The following P2RX7 variants were observed in gnomAD, a reference collection of about 807,000 sequenced individuals.
P2RX7 encodes the protein P2X purinoceptor 7.
Under a neutral mutation model 71.6 loss-of-function variants are expected in P2RX7, and 62 were observed. The ratio of observed to expected loss-of-function variants is 0.87; its 90% CI spans 0.71 to 1.07. P2RX7 has a LOEUF of 1.07. Among genes scored for constraint, P2RX7 ranks in the 50% least tolerant of loss-of-function variants. The pLI is 0.00. For synonymous variants in P2RX7, 299 were observed against 283.3 expected (o/e 1.06, Z -0.56); for missense variants, 686 against 748.5 (o/e 0.92, Z 0.97).
In P2RX7 at chr12:121,160,896, C is replaced by A; in HGVS notation, c.364-6C>A. 1 of 1,611,238 alleles carries A rather than the reference C, an allele frequency of 6.2e-7. No individual in the cohort carries two copies. The highest frequency in any genetic ancestry group is 1.1e-5 in the South Asian group (1 of 91,020). ...ACTCCCCACTCTGTCATCCTTCTAT[C>A]TGCAGTATCCCACCCGCAGGACGCT... On this transcript the variant is annotated splice_region_variant and splice_polypyrimidine_tract_variant and intron_variant, in intron 3 of 12. Coordinates refer to ENST00000328963, the MANE Select transcript of P2RX7 (RefSeq NM_002562.6).
chr12:121,170,522 C>G (rs778713280), intron 8 of P2RX7, among the ~76,000 whole-genome samples: 1 of 152,194 alleles, frequency 6.6e-6, no homozygotes, highest in Non-Finnish European at 1.5e-5. Flanking sequence ...TGCCTGTAAT[C>G]CCAACACTTT....
At chr12:121,166,633 C>A (rs1400542059) in intron 7 of P2RX7, among the ~76,000 whole-genome samples, 2 of 152,162 alleles carry the variant, frequency 1.3e-5, no homozygotes, top group African/African-American at 4.8e-5. Context: ...GCCACTTTCA[C>A]TCCCTATCCT....
At chr12:121,145,468 G>A (rs967691289) in intron 1 of P2RX7, among the ~76,000 whole-genome samples, 5 of 151,988 alleles carry the variant, frequency 3.3e-5, no homozygotes, top group Non-Finnish European at 5.9e-5. Flanking sequence ...ATCAAGATGC[G>A]GAAGTGGATG....
At chr12:121,174,689 T>C (rs951663192) in intron 8 of P2RX7, among the ~76,000 whole-genome samples, 3 of 152,160 alleles carry the variant, frequency 2.0e-5, no homozygotes, top group Non-Finnish European at 4.4e-5. Context: ...TCCCACTTTG[T>C]TCTAGATGCC....
At chr12:121,177,056 C>T (rs1883271689) in intron 9 of P2RX7, 91 bp from the exon 10 acceptor site, 1 of 1,108,126 alleles carries the variant, frequency 9.0e-7, no homozygotes, top group Non-Finnish European at 1.4e-6. Context: ...GCATGAGGCT[C>T]CGCTCCCTGA....
At chr12:121,170,911 T>C (rs1019863086) in intron 8 of P2RX7, among the ~76,000 whole-genome samples, 3 of 152,138 alleles carry the variant, frequency 2.0e-5, no homozygotes, top group Admixed American at 2.0e-4. Flanking sequence ...TTCTAAAACA[T>C]AGGAAGTTGA....
intron 5 of P2RX7, 82 bp from the exon 6 acceptor site, chr12:121,165,275 C>T: frequency 9.6e-7 from 1 of 1,040,678 alleles, no homozygotes; most frequent in Non-Finnish European, 1.5e-6. Flanking sequence ...GCCAAGAAAC[C>T]AGAAGCCTCT....
At chr12:121,173,114 G>C (rs906039090) in intron 8 of P2RX7, among the ~76,000 whole-genome samples, 1 of 152,134 alleles carries the variant, frequency 6.6e-6, no homozygotes, top group Non-Finnish European at 1.5e-5. Context: ...TGTGCCTGGC[G>C]CTTAATTTTT....
At chr12:121,178,769 G>A (rs1390827798) in intron 11 of P2RX7, among the ~76,000 whole-genome samples, 1 of 129,798 alleles carries the variant, frequency 7.7e-6, no homozygotes, top group Non-Finnish European at 1.6e-5. Context: ...TCCAGCCTGA[G>A]TGACAGAGGG....
chr12:121,172,507 C>A (rs1021717495), intron 8 of P2RX7, among the ~76,000 whole-genome samples: 2 of 152,098 alleles, frequency 1.3e-5, no homozygotes, highest in African/African-American at 4.8e-5. Context: ...TGGTTTGCAC[C>A]TGTAGTCCCA....
intron 1 of P2RX7, among the ~76,000 whole-genome samples, chr12:121,140,650 C>A (rs1226383828): frequency 6.6e-6 from 1 of 152,100 alleles, no homozygotes; most frequent in Non-Finnish European, 1.5e-5. Context: ...TGAAGAAGAC[C>A]AAGGAGAGGC....
intron 12 of P2RX7, 79 bp from the exon 13 acceptor site, chr12:121,184,225 CT>C: frequency 1.4e-6 from 2 of 1,462,856 alleles, no homozygotes; most frequent in Admixed American, 2.3e-5. Flanking sequence ...TTAAACGTAA[CT>C]TTATAAGTTA....
In P2RX7 at chr12:121,184,454, A is replaced by C; in HGVS notation, c.1440A>C (p.Gly480=). The C allele has an allele frequency of 6.2e-7, 1 of 1,614,136 alleles. No individual in the cohort carries two copies. Among genetic ancestry groups the C allele is most frequent in the Non-Finnish European group, 8.5e-7 (1 of 1,180,026 alleles). Residue 480 remains glycine (G), a synonymous_variant, in exon 13 of 13, where the codon GGA becomes GGC. Coordinates refer to ENST00000328963, the MANE Select transcript of P2RX7 (RefSeq NM_002562.6). ...ATAGCCCCGTCTGGTGCCAGTGTGGAAGCTGCCTCCCATCTCAACTCCCTG... is the reference window on the plus strand; with the variant it reads ...ATAGCCCCGTCTGGTGCCAGTGTGGCAGCTGCCTCCCATCTCAACTCCCTG... The part of the protein sequence containing the change: ...SRDSPVWCQC[G]SCLPSQLPES...
intron 1 of P2RX7, among the ~76,000 whole-genome samples, chr12:121,145,980 C>T (rs1876099340): frequency 6.6e-6 from 1 of 152,146 alleles, no homozygotes. Flanking sequence ...AAATTATCAT[C>T]ATCATCTTCC....
intron 1 of P2RX7, among the ~76,000 whole-genome samples, chr12:121,152,686 A>T (rs1877700951): frequency 6.6e-6 from 1 of 152,096 alleles, no homozygotes; most frequent in Non-Finnish European, 1.5e-5. Flanking sequence ...TACCCAGTTA[A>T]TTTTTATTTT....
chr12:121,169,242 C>T (rs2136107997), intron 8 of P2RX7, among the ~76,000 whole-genome samples: 1 of 152,302 alleles, frequency 6.6e-6, no homozygotes, highest in Middle Eastern at 3.4e-3. Flanking sequence ...GTTGGGATTG[C>T]AGGTGTAAGC....
Position 121,184,785 on chromosome 12 carries a change from T to C in P2RX7, c.1771T>C (p.Phe591Leu). 1 of 1,545,596 alleles carries C rather than the reference T, an allele frequency of 6.5e-7. No homozygotes were observed. The change falls in exon 13 of 13, where the codon TTC (phenylalanine) becomes CTC (leucine). Residue 591 changes from phenylalanine to leucine, a missense_variant. Physicochemically the swap from Phe to Leu is conservative, Grantham distance 22 (BLOSUM62 0). Coordinates refer to ENST00000328963, the MANE Select transcript of P2RX7 (RefSeq NM_002562.6). The part of the protein sequence containing the change: ...FPKSEGQYSG[F>L]KSPY ...GAAGAGTGAAGGGCAGTACAGTGGC[T>C]TCAAGAGTCCTTACTGAAGCCAGGC...
intron 3 of P2RX7, among the ~76,000 whole-genome samples, chr12:121,157,437 C>T (rs894612891): frequency 6.6e-6 from 1 of 152,226 alleles, no homozygotes; most frequent in African/African-American, 2.4e-5. Context: ...GAGCTTTCTA[C>T]ATTTGTTTTG....
In P2RX7 at chr12:121,154,844, A is replaced by G. The variant is rs1878225657; in HGVS notation, c.185A>G (p.His62Arg). The stretch of plus-strand genomic sequence containing the variant: ...AAAGAGCCTGTCATCAGTTCTGTGC[A>G]CACCAAGGTGAAGGGGATAGCAGAG... ...QRKEPVISSV[H>R]TKVKGIAEVK... The change falls in exon 2 of 13, where the codon CAC (histidine) becomes CGC (arginine). Residue 62 changes from histidine to arginine, a missense_variant. His to Arg is a conservative substitution (Grantham distance 29, BLOSUM62 0). Transcript: ENST00000328963. The surrounding 1 kb of genome is among the most constrained non-coding windows in gnomAD (Gnocchi z 4.2). 1 of 1,614,094 alleles carries G rather than the reference A, an allele frequency of 6.2e-7. No individual in the cohort carries two copies. Among genetic ancestry groups the G allele is most frequent in the African/African-American group, 1.3e-5 (1 of 74,938 alleles).
Sources: gnomAD v4.1 joint callset for allele counts (sites outside exome capture counted in the v4.1 genomes callset) on GRCh38, gnomAD v4.1.1 for gene constraint, Gnocchi (gnomAD v3.1) non-coding constraint, MANE v1.5 for transcripts, NCBI Gene and HGNC (gene_info 2026-07-23, HGNC 2026-07-21) for gene names.